Variants in RBFOX1 observed in about 807,000 individuals in gnomAD.
The protein encoded by RBFOX1 is RNA binding protein fox-1 homolog 1.
A neutral mutation model predicts 57.7 loss-of-function variants in RBFOX1; 8 were observed. The ratio of observed to expected loss-of-function variants is 0.14; its 90% CI spans 0.08 to 0.25. The LOEUF is 0.25. Ranked by LOEUF, RBFOX1 falls within the 10% of genes least tolerant of loss-of-function variation. The probability of loss-of-function intolerance (pLI) is 1.00; values close to 1 mark genes in which losing one functional copy is unlikely to be tolerated. For missense variants in RBFOX1, 611 were observed against 548.5 expected (o/e 1.11, Z -1.14); for synonymous variants, 326 against 222.4 (o/e 1.47, Z -4.15).
intron 15 of RBFOX1, chr16:7,709,947 T>A (rs2083688758): frequency 9.8e-7 from 1 of 1,017,086 alleles, no homozygotes; most frequent in Admixed American, 5.8e-5. Flanking sequence ...TAAAAATGAA[T>A]CCCCATAGGC....
At chr16:5,881,978 C>G (rs1398013893) in intron 4 of RBFOX1, among the ~76,000 whole-genome samples, 1 of 152,152 alleles carries the variant, frequency 6.6e-6, no homozygotes, top group Non-Finnish European at 1.5e-5. Flanking sequence ...TCCCTTGGTG[C>G]CAGGTTTATT....
chr16:7,371,706 C>T (rs1354443057), intron 4 of RBFOX1, among the ~76,000 whole-genome samples: 4 of 152,220 alleles, frequency 2.6e-5, no homozygotes, highest in Middle Eastern at 3.4e-3. Context: ...GCTGAGATCA[C>T]GCCACTGCAC....
chr16:7,568,754 G>T (rs967055294), intron 5 of RBFOX1, among the ~76,000 whole-genome samples: 1 of 151,800 alleles, frequency 6.6e-6, no homozygotes, highest in East Asian at 1.9e-4. Flanking sequence ...GGGCATGGTG[G>T]CGGGCACTTG....
intron 3 of RBFOX1, among the ~76,000 whole-genome samples, chr16:6,997,817 A>C (rs2092399226): frequency 6.6e-6 from 1 of 152,182 alleles, no homozygotes; most frequent in Non-Finnish European, 1.5e-5. Context: ...TTGCTCTGTT[A>C]GTGCAAATAA....
chr16:6,570,325 A>G (rs1392512701), intron 2 of RBFOX1, among the ~76,000 whole-genome samples: 1 of 152,172 alleles, frequency 6.6e-6, no homozygotes, highest in African/African-American at 2.4e-5. Context: ...TGTATGCTGC[A>G]TAAGCAAAGG....
intron 4 of RBFOX1, among the ~76,000 whole-genome samples, chr16:7,188,630 A>C (rs750725553): frequency 6.6e-6 from 1 of 152,068 alleles, no homozygotes; most frequent in Non-Finnish European, 1.5e-5. Context: ...ATAAGCATTG[A>C]CTCATTATAC....
At chr16:6,800,794 CTA>C (rs905321680) in intron 3 of RBFOX1, among the ~76,000 whole-genome samples, 3 of 152,010 alleles carry the variant, frequency 2.0e-5, no homozygotes, top group African/African-American at 7.2e-5. Context: ...GCTTTTGAAA[CTA>C]AAATCTCATG....
In RBFOX1 at chr16:5,663,652, C is replaced by A. The variant is rs537801985; in HGVS notation, c.318+64691C>A. On this transcript the variant is annotated intron_variant, in intron 3 of 19. Transcript: ENST00000641259. ...ATGAAGGTAGCCAGCAGCTGTAAAG[C>A]CCCTACTTGGTGTAAGGCACCATGC... Among the ~76,000 whole-genome samples, 14 of 152,268 alleles carry A rather than the reference C, an allele frequency of 9.2e-5. No individual in the cohort carries two copies. The South Asian group carries it at 2.7e-3, about 29-fold the overall frequency.
intron 3 of RBFOX1, among the ~76,000 whole-genome samples, chr16:6,960,631 T>A (rs2082765227): frequency 6.6e-6 from 1 of 151,964 alleles, no homozygotes; most frequent in African/African-American, 2.4e-5. Flanking sequence ...TCCTGCCTTC[T>A]CTCCTTCCTT....
chr16:6,418,586 C>A (rs2093690802), intron 2 of RBFOX1, among the ~76,000 whole-genome samples: 1 of 137,204 alleles, frequency 7.3e-6, no homozygotes, highest in South Asian at 2.2e-4. Flanking sequence ...TGCAGTGGTG[C>A]AATTATAGGT....
chr16:7,566,124 T>G (rs1005952952), intron 5 of RBFOX1, among the ~76,000 whole-genome samples: 1 of 152,192 alleles, frequency 6.6e-6, no homozygotes, highest in African/African-American at 2.4e-5. Flanking sequence ...CATGGGGTGC[T>G]CATATTCTCG....
chr16:5,990,862 T>C (rs567028852), intron 4 of RBFOX1, among the ~76,000 whole-genome samples: 11 of 152,296 alleles, frequency 7.2e-5, no homozygotes, highest in Admixed American at 7.2e-4. Context: ...TAGTCCCATC[T>C]ACTCGGGAGG....
At chr16:5,519,355 T>A (rs2043922679) in intron 2 of RBFOX1, among the ~76,000 whole-genome samples, 1 of 152,286 alleles carries the variant, frequency 6.6e-6, no homozygotes, top group Non-Finnish European at 1.5e-5. Flanking sequence ...AGATGGGGGA[T>A]CTGTAAGTGC....
intron 1 of RBFOX1, among the ~76,000 whole-genome samples, chr16:6,153,853 C>T (rs1004358434): frequency 6.6e-6 from 1 of 152,154 alleles, no homozygotes; most frequent in Admixed American, 6.6e-5. Flanking sequence ...TCATCTTAGG[C>T]TTCGCATTCT....
intron 1 of RBFOX1, among the ~76,000 whole-genome samples, chr16:5,393,223 T>C (rs570224943): frequency 2.8e-3 from 420 of 152,260 alleles, no homozygotes; most frequent in Middle Eastern, 0.017. Flanking sequence ...TCTGAGTCAC[T>C]GTACCCCAGC....
chr16:6,084,679 T>G lies in RBFOX1; in HGVS notation c.-127+64687T>G, dbSNP rs925725387. ...CTGCTCTCTCTCTCGTTTTCTATGA[T>G]GCTCTATCGGGATTCCTTGGTTAGG... On this transcript the variant is annotated intron_variant, in intron 1 of 15. Coordinates refer to ENST00000550418, the MANE Select transcript of RBFOX1 (RefSeq NM_018723.4). Among the ~76,000 whole-genome samples, 18 of 152,338 alleles carry G rather than the reference T, an allele frequency of 1.2e-4. No individual in the cohort carries two copies. The South Asian group carries it at 1.7e-3, about 14-fold the overall frequency.
At chr16:5,250,908 A>G (rs1301895916) in intron 1 of RBFOX1, among the ~76,000 whole-genome samples, 1 of 152,186 alleles carries the variant, frequency 6.6e-6, no homozygotes, top group Non-Finnish European at 1.5e-5. Context: ...TGTCTGGATC[A>G]GAGGGGGATC....
chr16:5,764,357 C>A (rs1002129133), intron 3 of RBFOX1, among the ~76,000 whole-genome samples: 1 of 152,368 alleles, frequency 6.6e-6, no homozygotes, highest in African/African-American at 2.4e-5. Flanking sequence ...GGACTCCTTT[C>A]TTCACCAGAA....
chr16:5,859,300 C>T (rs997955249), intron 3 of RBFOX1, among the ~76,000 whole-genome samples: 1 of 152,180 alleles, frequency 6.6e-6, no homozygotes, highest in African/African-American at 2.4e-5. Flanking sequence ...GATGTTAGGA[C>T]TTCTGCTACT....
Sources: allele counts gnomAD v4.1 joint callset (sites outside exome capture counted in the v4.1 genomes callset), GRCh38; gene constraint gnomAD v4.1.1; transcripts MANE v1.5; gene names NCBI Gene and HGNC (gene_info 2026-07-23, HGNC 2026-07-21).